TSC1: variants seen among roughly 807,000 people sequenced by gnomAD.
TSC1 encodes the protein hamartin.
In TSC1, 20 loss-of-function variants were observed where a neutral mutation model predicts 124.3. That is an observed-to-expected ratio of 0.16 (90% CI 0.11 to 0.23). The LOEUF is 0.23. Ranked by LOEUF, TSC1 falls within the 10% of genes least tolerant of loss-of-function variation. TSC1 has a pLI of 1.00. For missense variants in TSC1, 1,124 were observed against 1,448.5 expected (o/e 0.78, Z 3.64); for synonymous variants, 493 against 539.1 (o/e 0.91, Z 1.19).
At chr9:132,897,152 C>T (rs1394539489) in intron 22 of TSC1, 32 bp downstream of exon 22, 1 of 1,613,532 alleles carries the variant, frequency 6.2e-7, no homozygotes, top group African/African-American at 1.3e-5. Flanking sequence ...GCAGCTTAGT[C>T]CCAAGGTCAT....
At chr9:132,935,180 TTCC>T in intron 1 of TSC1, 85 bp from the exon 2 acceptor site, 1 of 397,762 alleles carries the variant, frequency 2.5e-6, no homozygotes, top group Non-Finnish European at 4.4e-6. Context: ...CACAAGCTTC[TTCC>T]TCCTCTATCC....
intron 20 of TSC1, among the ~76,000 whole-genome samples, chr9:132,897,980 TA>T (rs1434150163): frequency 6.6e-6 from 1 of 152,166 alleles, no homozygotes. Flanking sequence ...ATGGTGTCAG[TA>T]AAAAGATTAA....
At chr9:132,927,772 G>A (rs4962224) in intron 3 of TSC1, among the ~76,000 whole-genome samples, 14,162 of 152,126 alleles carry the variant, frequency 0.093, 722 homozygotes, top group Admixed American at 0.12. Context: ...TGATCCGCCC[G>A]CCTCGGCCTC....
In TSC1 at chr9:132,897,615, A is replaced by C. The variant is rs1444272064; in HGVS notation, c.2626-5T>G. On this transcript the variant is annotated splice_region_variant and splice_polypyrimidine_tract_variant and intron_variant, in intron 20 of 22. Transcript: ENST00000298552. Reference sequence around the variant, plus strand: ...GGCTTTCATCATTTCTACTTCCTGAAAAAAAAAAAAAAAAAAGACTGGAAT... The same window carrying C: ...GGCTTTCATCATTTCTACTTCCTGACAAAAAAAAAAAAAAAAGACTGGAAT... The C allele has an allele frequency of 9.6e-7, 1 of 1,046,476 alleles. No homozygotes were observed. The highest frequency in any genetic ancestry group is 1.3e-6 in the Non-Finnish European group (1 of 767,166). 64.8% of individuals were successfully genotyped at this position (1,046,476 alleles called of 1,614,324 possible).
At chr9:132,925,848 A>G in intron 4 of TSC1, 109 bp from the exon 5 acceptor site, 1 of 1,394,314 alleles carries the variant, frequency 7.2e-7, no homozygotes, top group South Asian at 1.2e-5. Context: ...TCTAATGTAA[A>G]GCAAGGGTCA....
intron 2 of TSC1, chr9:132,931,492 C>G (rs1454314038): frequency 6.6e-6 from 1 of 152,198 alleles, no homozygotes; most frequent in Admixed American, 6.5e-5. Flanking sequence ...ATCCTACTGT[C>G]GGCCGCGTTG....
chr9:132,910,625 C>G lies in TSC1; in HGVS notation c.1209G>C (p.Ser403=), dbSNP rs141184479. 6.2e-7 allele frequency: 1 copy of G among 1,614,020 alleles called. No homozygotes were observed. Among genetic ancestry groups the G allele is most frequent in the South Asian group, 1.1e-5 (1 of 91,080 alleles). The change falls in exon 12 of 23, where the codon TCG becomes TCC. Residue 403 remains serine (S), a synonymous_variant. Coordinates refer to ENST00000298552, the MANE Select transcript of TSC1 (RefSeq NM_000368.5). The part of the protein sequence containing the change: ...TSPPPAPLCH[S]DDYVHISLPQ... ...GGAGTGAAATGTGCACGTAGTCATC[C>G]GAATGACAGAGTGGGGCTGGAGGAG...
chr9:132,911,415 A>T, intron 10 of TSC1, 38 bp downstream of exon 10: 1 of 1,487,398 alleles, frequency 6.7e-7, no homozygotes, highest in Non-Finnish European at 9.4e-7. Context: ...TTCACCAGAA[A>T]GCAGAGGAGA....
chr9:132,901,842 A>C (rs1845390431), intron 18 of TSC1, 143 bp from the exon 19 acceptor site: 2 of 678,186 alleles, frequency 2.9e-6, no homozygotes, highest in African/African-American at 1.8e-5. Context: ...TTGATGTCTT[A>C]GTTTTAAAAA....
In TSC1 at chr9:132,903,811, G is replaced by C. The variant is rs1413960643; in HGVS notation, c.2048C>G (p.Pro683Arg). The C allele has an allele frequency of 1.2e-6, 2 of 1,613,780 alleles. No individual in the cohort carries two copies. Among genetic ancestry groups the C allele is most frequent in the African/African-American group, 2.7e-5 (2 of 74,914 alleles). ...SVDWTHFGGSPPSDEIRTLRD... is the reference protein window; with the variant it reads ...SVDWTHFGGSRPSDEIRTLRD... ...GAGGGTGCGGATCTCATCTGAAGGA[G>C]GAGAGCCTGATTGTAAAGCAGAGGG... Residue 683 changes from proline (P) to arginine (R), a missense_variant, in exon 17 of 23, where the codon CCT becomes CGT. Physicochemically the swap from Pro to Arg is moderately radical, Grantham distance 103. This residue lies in a region of TSC1 where 321 missense variants were observed against 397.4 expected (regional missense o/e 0.81). Transcript: ENST00000298552. The surrounding 1 kb of genome is among the most constrained non-coding windows in gnomAD (Gnocchi z 5.9).
chr9:132,913,891 G>GTTTTTTTTTTTT (rs775823272), intron 8 of TSC1, among the ~76,000 whole-genome samples: 1 of 58,372 alleles, frequency 1.7e-5, no homozygotes, highest in African/African-American at 6.7e-5. Context: ...GTTTTGTTTT[G>GTTTTTTTTTTTT]TTTTTTTTTT....
In TSC1 at chr9:132,906,572, C is replaced by T. The variant is rs1845683678; in HGVS notation, c.1438+159G>A. The T allele has an allele frequency of 6.5e-6, 4 of 613,610 alleles. No homozygotes were observed. The highest frequency in any genetic ancestry group is 2.9e-5 in the East Asian group (1 of 33,984). 38.0% of individuals were successfully genotyped at this position (613,610 alleles called of 1,614,324 possible). ...TCAAAAAAAAAAAAAAAAAAAGTGG[C>T]ATCACTTTACCTGGCATAGGTCCCA... On this transcript the variant is annotated intron_variant, in intron 14 of 22. Coordinates refer to ENST00000298552, the MANE Select transcript of TSC1 (RefSeq NM_000368.5). This position sits in a 1 kb window ranked among gnomAD's most constrained non-coding sequence, Gnocchi z 4.1.
At chr9:132,898,592 G>T (rs946224801) in intron 20 of TSC1, among the ~76,000 whole-genome samples, 1 of 152,196 alleles carries the variant, frequency 6.6e-6, no homozygotes, top group Non-Finnish European at 1.5e-5. Context: ...TGTGCTAAAT[G>T]GCTCGACTTC....
chr9:132,913,694 C>T (rs982953499), intron 8 of TSC1, among the ~76,000 whole-genome samples: 4 of 150,458 alleles, frequency 2.7e-5, no homozygotes, highest in Non-Finnish European at 4.4e-5. Context: ...GGCGCGGTGG[C>T]GGGCGCCTGT....
intron 8 of TSC1, among the ~76,000 whole-genome samples, chr9:132,915,967 G>A (rs572916116): frequency 5.3e-5 from 8 of 152,292 alleles, no homozygotes; most frequent in East Asian, 3.9e-4. Flanking sequence ...GAGAGCAGGC[G>A]TTAGGACACA....
chr9:132,941,521 T>A (rs1367960666), intron 1 of TSC1: 2 of 152,190 alleles, frequency 1.3e-5, no homozygotes, highest in Non-Finnish European at 2.9e-5. Flanking sequence ...AACTCAGTGT[T>A]TGAGTGTATA....
intron 1 of TSC1, among the ~76,000 whole-genome samples, chr9:132,938,020 A>G (rs1002672702): frequency 3.3e-5 from 5 of 152,158 alleles, no homozygotes; most frequent in Admixed American, 2.0e-4. Flanking sequence ...CCTGCCAAGC[A>G]GAGTGTTTTT....
At chr9:132,901,952 G>A (rs554375915) in intron 18 of TSC1, 95 of 453,952 alleles carry the variant, frequency 2.1e-4, no homozygotes, top group Admixed American at 3.9e-4. Flanking sequence ...GAGCCCTGAG[G>A]CTACACAGCA....
Position 132,923,633 on chromosome 9 carries a change from A to ATCCTTAG in TSC1, c.364-142_364-141insCTAAGGA. 1.7e-6 allele frequency: 2 copies of ATCCTTAG among 1,157,322 alleles called. No homozygotes were observed. Among genetic ancestry groups the ATCCTTAG allele is most frequent in the Non-Finnish European group, 2.5e-6 (2 of 794,182 alleles). 71.7% of individuals were successfully genotyped at this position (1,157,322 alleles called of 1,614,324 possible). ...TCACGTACTCATTTCCCTATCCCTA[A>ATCCTTAG]GGATTACTGAAGGGATAACATTCAA... On this transcript the variant is annotated intron_variant, in intron 5 of 22. Transcript: ENST00000298552. The surrounding 1 kb of genome is among the most constrained non-coding windows in gnomAD (Gnocchi z 4.2).
Sources: allele counts gnomAD v4.1 joint callset (sites outside exome capture counted in the v4.1 genomes callset), GRCh38; gene constraint gnomAD v4.1.1; regional missense constraint gnomAD v4.1.1; non-coding constraint Gnocchi (gnomAD v3.1); transcripts MANE v1.5; gene names NCBI Gene and HGNC (gene_info 2026-07-23, HGNC 2026-07-21).